Variants in TSPAN8 observed in about 807,000 individuals in gnomAD.
The protein encoded by TSPAN8 is tetraspanin 8, also known as tetraspanin-8.
Under a neutral mutation model 32.8 loss-of-function variants are expected in TSPAN8, and 21 were observed. The ratio of observed to expected loss-of-function variants is 0.64; its 90% CI spans 0.45 to 0.92. The LOEUF is 0.92. TSPAN8 is among the 40% of genes least tolerant of loss of function. The probability of loss-of-function intolerance (pLI) is 0.00; values close to 1 mark genes in which losing one functional copy is unlikely to be tolerated. For missense variants in TSPAN8, 269 were observed against 281.9 expected, an observed-to-expected ratio of 0.95 and a Z score of 0.33; for synonymous variants, 95 against 94.6, an observed-to-expected ratio of 1.00 and a Z score of -0.03.
chr12:71,138,833 C>T (rs143848743), intron 4 of TSPAN8, among the ~76,000 whole-genome samples: 16 of 152,152 alleles, frequency 1.1e-4, no homozygotes, highest in African/African-American at 3.9e-4. Flanking sequence ...CTGTCTCTAC[C>T]GTCCCTCACA....
At chr12:71,149,880 T>A (rs754392054) in intron 2 of TSPAN8, among the ~76,000 whole-genome samples, 148 of 152,336 alleles carry the variant, frequency 9.7e-4, no homozygotes, top group Non-Finnish European at 1.7e-3. Context: ...AAGGTCTGAC[T>A]GCCTGTGGGG....
chr12:71,150,863 T>C (rs1324204858), intron 2 of TSPAN8, among the ~76,000 whole-genome samples: 1 of 152,126 alleles, frequency 6.6e-6, no homozygotes, highest in Non-Finnish European at 1.5e-5. Flanking sequence ...CTCTCTTGCC[T>C]GCCACCATGT....
At position 71,126,412 on chromosome 12, in the gene TSPAN8, A is replaced by AT. The variant is rs1161671214; in HGVS notation, c.661-1026dup. 2.6e-5 allele frequency among the ~76,000 whole-genome samples: 4 copies of AT among 152,250 alleles called. No homozygotes were observed. The East Asian group carries it at 5.8e-4, about 22-fold the overall frequency. ...TCTGTGGGACAAGTATCAAGAAAGA[A>AT]TTTTTTTAATGGGGAAAAAATAATG... On this transcript the variant is annotated intron_variant, in intron 8 of 8. Coordinates refer to ENST00000247829, the MANE Select transcript of TSPAN8 (RefSeq NM_004616.3).
intron 2 of TSPAN8, among the ~76,000 whole-genome samples, chr12:71,150,563 T>C (rs1007907538): frequency 1.3e-5 from 2 of 152,208 alleles, no homozygotes; most frequent in African/African-American, 2.4e-5. Flanking sequence ...CTTTGTACTG[T>C]TTCTCTTTAT....
intron 3 of TSPAN8, 22 bp downstream of exon 3, chr12:71,144,128 GT>G (rs1871994544): frequency 6.2e-7 from 1 of 1,602,084 alleles, no homozygotes. Context: ...TGGGGAAAGG[GT>G]GACTTGTTTT....
At position 71,139,837 on chromosome 12, in the gene TSPAN8, A is replaced by C. The variant is rs1470997204; in HGVS notation, c.135T>G (p.Ser45=). ...CGTAGGAGCTAGAGCCTACATCTTC[A>C]GAACCAAAAATCTGAAGTAAAAAAG... ...VSNDSQAIFG[S]EDVGSSSYVA... is the part of the protein sequence containing the mutation. Residue 45 remains serine (S), a synonymous_variant, in exon 4 of 9, where the codon TCT becomes TCG. Coordinates refer to ENST00000247829, the MANE Select transcript of TSPAN8 (RefSeq NM_004616.3). 1 of 1,605,212 alleles carries C rather than the reference A, an allele frequency of 6.2e-7. No homozygotes were observed. The highest frequency in any genetic ancestry group is 1.7e-5 in the Admixed American group (1 of 57,608).
chr12:71,132,446 C>G (rs905143729), intron 7 of TSPAN8, among the ~76,000 whole-genome samples: 1 of 152,090 alleles, frequency 6.6e-6, no homozygotes, highest in African/African-American at 2.4e-5. Flanking sequence ...TGTACTTTGC[C>G]TCCCATTGCA....
intron 2 of TSPAN8, among the ~76,000 whole-genome samples, chr12:71,151,935 T>A (rs1872268945): frequency 6.6e-6 from 1 of 152,204 alleles, no homozygotes; most frequent in African/African-American, 2.4e-5. Flanking sequence ...GAGAAGAGGA[T>A]CAGAGTAGGG....
intron 2 of TSPAN8, among the ~76,000 whole-genome samples, chr12:71,156,269 C>CAAAAAAAAAAAAAA (rs1287011627): frequency 3.1e-5 from 1 of 32,522 alleles, no homozygotes; most frequent in Non-Finnish European, 5.8e-5. Context: ...AAAAAAAAAA[C>CAAAAAAAAAAAAAA]AAACAAAAAA....
chr12:71,146,078 T>C (rs1565788001), intron 2 of TSPAN8, among the ~76,000 whole-genome samples: 1 of 152,176 alleles, frequency 6.6e-6, no homozygotes, highest in Non-Finnish European at 1.5e-5. Flanking sequence ...ATAGCAACTT[T>C]TAGTCTTCTC....
In TSPAN8 at chr12:71,142,850, A is replaced by AAC. The variant is rs1555195658; in HGVS notation, c.123+1300_123+1301insGT. On this transcript the variant is annotated intron_variant, in intron 3 of 8. Transcript: ENST00000247829. The stretch of plus-strand genomic sequence containing the variant: ...GGAGAGAGAGAGAGGAAAAAAACAA[A>AAC]AAAAAAAAAAACAGAGATAGAGTGA... Among the ~76,000 whole-genome samples the AAC allele has an allele frequency of 5.8e-3, 804 of 139,298 alleles. 18 individuals are homozygous for AAC. In the East Asian group the frequency reaches 0.09, roughly 16 times the overall value. The allele number at this position is 139,298 out of a possible 152,430, so 91.4% of individuals were successfully genotyped here.
Position 71,132,796 on chromosome 12 carries a change from G to T in TSPAN8, c.473C>A (p.Ala158Asp), listed in dbSNP as rs1380734689. The T allele has an allele frequency of 1.9e-6, 3 of 1,613,808 alleles. No individual in the cohort carries two copies. The Admixed American group carries it at 5.0e-5, about 27-fold the overall frequency. The change falls in exon 7 of 9, where the codon GCT becomes GAT. Residue 158 changes from alanine to aspartate, a missense_variant. Coordinates refer to ENST00000247829, the MANE Select transcript of TSPAN8 (RefSeq NM_004616.3). ...TTGAAAATTATTTCCCCAATCAGCA[G>T]CTCCATTGACCAAACCGCAGCATTT... Reference protein sequence around the residue: ...EFKCCGLVNGAADWGNNFQHY... With the variant: ...EFKCCGLVNGDADWGNNFQHY...
At chr12:71,155,885 C>A (rs1872410436) in intron 2 of TSPAN8, among the ~76,000 whole-genome samples, 1 of 151,930 alleles carries the variant, frequency 6.6e-6, no homozygotes, top group East Asian at 1.9e-4. Context: ...GGGCGTGCCA[C>A]CATGCCCGGC....
At chr12:71,135,203 G>T in intron 6 of TSPAN8, among the ~76,000 whole-genome samples, 1 of 135,612 alleles carries the variant, frequency 7.4e-6, no homozygotes. Flanking sequence ...AGGAGGATAA[G>T]GATGAGGAGG....
At chr12:71,144,655 T>C (rs956401077) in intron 2 of TSPAN8, among the ~76,000 whole-genome samples, 4 of 152,116 alleles carry the variant, frequency 2.6e-5, no homozygotes, top group African/African-American at 9.7e-5. Context: ...TCATTTAAGA[T>C]TCGACAGGAA....
chr12:71,142,373 TAA>T lies in TSPAN8; in HGVS notation c.123+1776_123+1777del, dbSNP rs1161299519. Among the ~76,000 whole-genome samples, 4 of 152,158 alleles carry T rather than the reference TAA, an allele frequency of 2.6e-5. No individual in the cohort carries two copies. In the East Asian group the frequency reaches 7.7e-4, roughly 29 times the overall value. ...CAATATGTGCAATTTTTTAACAGAC[TAA>T]ACACCAAATTTGTTTACCAGAAGCA... is the stretch of plus-strand genomic sequence containing the variant. On this transcript the variant is annotated intron_variant, in intron 3 of 8. Coordinates refer to ENST00000247829, the MANE Select transcript of TSPAN8 (RefSeq NM_004616.3).
At chr12:71,143,385 T>C (rs1191014698) in intron 3 of TSPAN8, among the ~76,000 whole-genome samples, 2 of 152,158 alleles carry the variant, frequency 1.3e-5, no homozygotes, top group Non-Finnish European at 2.9e-5. Flanking sequence ...TACTGTGGCA[T>C]GGAACAGATA....
chr12:71,134,455 C>A (rs1033870733), intron 6 of TSPAN8, among the ~76,000 whole-genome samples: 1 of 152,140 alleles, frequency 6.6e-6, no homozygotes, highest in African/African-American at 2.4e-5. Flanking sequence ...CTAACAAATT[C>A]AACTGAGGCA....
rs117090819 is a variant in TSPAN8 at position 71,139,714 on chromosome 12, C to T, written c.258G>A (p.Leu86=). 3,710 of 1,613,310 alleles carry T rather than the reference C, an allele frequency of 2.3e-3. 92 individuals are homozygous for T. In the East Asian group the frequency reaches 0.05, roughly 22 times the overall value. ...GAIKESRCML[L]LFFIGLLLIL... is the part of the protein sequence containing the mutation. ...GGGATTTGTTTGGAGAACTCACCAA[C>T]AGAAGCATGCAGCGACTTTCTTTTA... is the stretch of plus-strand genomic sequence containing the variant. The change falls in exon 4 of 9, where the codon CTG becomes CTA. Residue 86 remains leucine (L), a synonymous_variant. Transcript: ENST00000247829.
Sources: allele counts gnomAD v4.1 joint callset (sites outside exome capture counted in the v4.1 genomes callset), GRCh38; gene constraint gnomAD v4.1.1; transcripts MANE v1.5; gene names NCBI Gene and HGNC (gene_info 2026-07-23, HGNC 2026-07-21).